Variants in NSD1 observed in about 807,000 individuals in gnomAD.
The protein encoded by NSD1 is nuclear receptor binding SET domain protein 1.
NSD1 carries 26 observed loss-of-function variants against 242.7 expected under a neutral mutation model. The observed-to-expected ratio is 0.11, with a 90% CI of 0.08 to 0.15. The LOEUF (loss-of-function observed/expected upper bound fraction) is 0.15. Among genes scored for constraint, NSD1 ranks in the 10% least tolerant of loss-of-function variants. The probability of loss-of-function intolerance (pLI) is 1.00; values close to 1 mark genes in which losing one functional copy is unlikely to be tolerated. For missense variants in NSD1, 2,495 were observed against 3,272.8 expected (o/e 0.76, Z 5.80); for synonymous variants, 1,106 against 1,178.1 (o/e 0.94, Z 1.25).
intron 2 of NSD1, among the ~76,000 whole-genome samples, chr5:177,174,369 T>C (rs990501309): frequency 1.3e-5 from 2 of 151,950 alleles, no homozygotes; most frequent in African/African-American, 4.8e-5. Flanking sequence ...CACGCCACCT[T>C]GCCAAGCTAA....
intron 15 of NSD1, 129 bp downstream of exon 15, chr5:177,267,847 A>AT (rs1757622593): frequency 7.6e-6 from 7 of 921,552 alleles, no homozygotes; most frequent in Middle Eastern, 4.3e-4. Context: ...CTTCTTCTTG[A>AT]TTTTTTTCCT....
chr5:177,183,754 T>G (rs1562168091), intron 2 of NSD1, among the ~76,000 whole-genome samples: 1 of 152,196 alleles, frequency 6.6e-6, no homozygotes, highest in Non-Finnish European at 1.5e-5. Context: ...TCTGTTCTTT[T>G]GTTTTCTTTA....
At chr5:177,159,003 T>TATATATATGAATG (rs1562132228) in intron 2 of NSD1, among the ~76,000 whole-genome samples, 11 of 80,152 alleles carry the variant, frequency 1.4e-4, no homozygotes, top group African/African-American at 7.5e-4. Context: ...TGATTTTATA[T>TATATATATGAATG]ATATATATAT....
At chr5:177,174,534 A>G (rs543248729) in intron 2 of NSD1, among the ~76,000 whole-genome samples, 3 of 150,038 alleles carry the variant, frequency 2.0e-5, no homozygotes, top group South Asian at 2.1e-4. Flanking sequence ...TATATAATCA[A>G]TGCACCATTG....
chr5:177,274,519 A>G (rs890722708), intron 17 of NSD1, among the ~76,000 whole-genome samples: 1 of 152,210 alleles, frequency 6.6e-6, no homozygotes, highest in Admixed American at 6.5e-5. Context: ...TCTTTTTATC[A>G]GATAAGTTAG....
Position 177,211,807 on chromosome 5 carries a change from G to A in NSD1, c.3408G>A (p.Glu1136=). ...CTTTTGAAAACGGAAAAGGCCCAGA[G>A]CTGGACTCTGTAATGAACAGTGAGA... ...GLSFENGKGP[E]LDSVMNSEND... The change falls in exon 5 of 23, where the codon GAG becomes GAA. Residue 1136 remains glutamate (E), a synonymous_variant. Coordinates refer to ENST00000439151, the MANE Select transcript of NSD1 (RefSeq NM_022455.5). 6.2e-7 allele frequency: 1 copy of A among 1,614,186 alleles called. No homozygotes were observed. Among genetic ancestry groups the A allele is most frequent in the Non-Finnish European group, 8.5e-7 (1 of 1,180,044 alleles).
At chr5:177,153,189 CTG>C (rs1241507216) in intron 2 of NSD1, among the ~76,000 whole-genome samples, 1 of 148,678 alleles carries the variant, frequency 6.7e-6, no homozygotes, top group Admixed American at 6.7e-5. Context: ...ATAGTAATGT[CTG>C]TGGAATTTCT....
intron 5 of NSD1, 70 bp from the exon 6 acceptor site, chr5:177,235,751 T>C (rs1765392616): frequency 1.4e-5 from 23 of 1,602,934 alleles, no homozygotes; most frequent in Non-Finnish European, 1.8e-5. Flanking sequence ...GAGTATCAGA[T>C]GGTCTCATAA....
At chr5:177,259,559 C>T (rs191756105) in intron 13 of NSD1, among the ~76,000 whole-genome samples, 3 of 152,218 alleles carry the variant, frequency 2.0e-5, no homozygotes, top group Admixed American at 1.3e-4. Flanking sequence ...GTGGTGGTTT[C>T]GTGATGGTTT....
rs184191742 is a variant in NSD1 at position 177,250,384 on chromosome 5, C to T, written c.4642-1346C>T. On this transcript the variant is annotated intron_variant, in intron 11 of 22. Transcript: ENST00000439151. ...TCTGGATCAGTCTTTGTGTAGGTCC[C>T]TTGTGCTGTCACAATTTATTAATAG... is the stretch of plus-strand genomic sequence containing the variant. 2.6e-3 allele frequency among the ~76,000 whole-genome samples: 396 copies of T among 152,318 alleles called. 2 individuals are homozygous for T. Among genetic ancestry groups the T allele is most frequent in the Middle Eastern group, 6.8e-3 (2 of 294 alleles).
Position 177,295,766 on chromosome 5 carries a change from T to C in NSD1, c.*307T>C, listed in dbSNP as rs1371763669. The C allele has an allele frequency of 2.0e-6, 1 of 504,370 alleles. No individual in the cohort carries two copies. The highest frequency in any genetic ancestry group is 3.6e-6 in the Non-Finnish European group (1 of 277,320). 31.2% of individuals were successfully genotyped at this position (504,370 alleles called of 1,614,324 possible). On this transcript the variant is annotated 3_prime_UTR_variant, in exon 23 of 23. Transcript: ENST00000439151. The surrounding 1 kb of genome is among the most constrained non-coding windows in gnomAD (Gnocchi z 4.3). ...AAAAAGTCCACTCTGGAGTCAAGTA[T>C]GGAATTCAATTCCGCTGGTCAGGTT... is the stretch of plus-strand genomic sequence containing the variant.
chr5:177,234,931 A>G (rs915912330), intron 5 of NSD1, among the ~76,000 whole-genome samples: 1 of 152,172 alleles, frequency 6.6e-6, no homozygotes, highest in African/African-American at 2.4e-5. Context: ...ACACAGCATC[A>G]TAGATGGAGA....
Position 177,299,765 on chromosome 5 carries a change from A to G in NSD1, c.*4306A>G, listed in dbSNP as rs1476935897. Reference sequence around the variant, plus strand: ...GGTGTAAGGTCCTGGAAGTTCAGCAAAGTTTCGTGGACAAGACATGGGCAC... The same window carrying G: ...GGTGTAAGGTCCTGGAAGTTCAGCAGAGTTTCGTGGACAAGACATGGGCAC... On this transcript the variant is annotated 3_prime_UTR_variant, in exon 23 of 23. Transcript: ENST00000439151. 2 of 233,216 alleles carry G rather than the reference A, an allele frequency of 8.6e-6. No individual in the cohort carries two copies. Among genetic ancestry groups the G allele is most frequent in the Non-Finnish European group, 1.7e-5 (2 of 118,086 alleles). The allele number at this position is 233,216 out of a possible 1,614,324, so 14.4% of individuals were successfully genotyped here.
chr5:177,249,993 T>C (rs1755798377), intron 11 of NSD1, among the ~76,000 whole-genome samples: 1 of 152,170 alleles, frequency 6.6e-6, no homozygotes, highest in Non-Finnish European at 1.5e-5. Context: ...GCTGAGGTCA[T>C]TGGATCACCT....
rs1000253837 is a variant in NSD1 at position 177,144,640 on chromosome 5, G to C, written c.927+8610G>C. Among the ~76,000 whole-genome samples, 7 of 151,904 alleles carry C rather than the reference G, an allele frequency of 4.6e-5. No homozygotes were observed. In the South Asian group the frequency reaches 8.3e-4, roughly 18 times the overall value. On this transcript the variant is annotated intron_variant, in intron 2 of 22. Transcript: ENST00000439151. The stretch of plus-strand genomic sequence containing the variant: ...AGAAATGTTTAATTTATTCTTCCTG[G>C]TTTTCAGGGGAGCCCATTGAAAGGA...
In NSD1 at chr5:177,210,949, T is replaced by G; in HGVS notation, c.2550T>G (p.Ser850Arg). The G allele has an allele frequency of 6.2e-7, 1 of 1,614,126 alleles. No individual in the cohort carries two copies. Among genetic ancestry groups the G allele is most frequent in the Non-Finnish European group, 8.5e-7 (1 of 1,180,028 alleles). ...TGCATGAGAAAACCAGGGATTCAAG[T>G]GACATAGAAACAGCAGTGGTGAAAC... is the stretch of plus-strand genomic sequence containing the variant. ...NNMHEKTRDS[S>R]DIETAVVKHV... Residue 850 changes from serine to arginine, a missense_variant, in exon 5 of 23, where the codon AGT (serine) becomes AGG (arginine). Around this residue, in one of 19 missense-constraint regions of NSD1, gnomAD observed 121 missense variants for 167.2 expected, o/e 0.72. Transcript: ENST00000439151.
chr5:177,135,322 G>A lies in NSD1; in HGVS notation c.219G>A (p.Arg73=). The change falls in exon 2 of 23, where the codon CGG becomes CGA. Residue 73 remains arginine (R), a synonymous_variant. Coordinates refer to ENST00000439151, the MANE Select transcript of NSD1 (RefSeq NM_022455.5). The part of the protein sequence containing the change: ...QDSPSCYIPL[R]RLQDLASMIN... ...CTCCATCTTGTTACATTCCACTGCG[G>A]AGACTACAGGATTTGGCCTCCATGA... 6.2e-7 allele frequency: 1 copy of A among 1,613,176 alleles called. No homozygotes were observed. The highest frequency in any genetic ancestry group is 8.5e-7 in the Non-Finnish European group (1 of 1,179,132).
Position 177,210,070 on chromosome 5 carries a change from C to A in NSD1, c.1671C>A (p.Ser557Arg), listed in dbSNP as rs1254837934. The A allele has an allele frequency of 6.2e-7, 1 of 1,613,708 alleles. No individual in the cohort carries two copies. The highest frequency in any genetic ancestry group is 1.3e-5 in the African/African-American group (1 of 74,870). ...ATGAACTTTCCAGGATAGCAAATAG[C>A]CTCACAGGGTCCAACACTGCCCCAG... ...ASNELSRIAN[S>R]LTGSNTAPGS... Residue 557 changes from serine to arginine, a missense_variant, in exon 5 of 23, where the codon AGC becomes AGA. By Grantham distance (110) the Ser-to-Arg change is moderately radical. Coordinates refer to ENST00000439151, the MANE Select transcript of NSD1 (RefSeq NM_022455.5).
At chr5:177,232,454 C>T (rs560798351) in intron 5 of NSD1, among the ~76,000 whole-genome samples, 1 of 152,210 alleles carries the variant, frequency 6.6e-6, no homozygotes, top group African/African-American at 2.4e-5. Context: ...TGGAAAATTC[C>T]ACAGTTGACA....
Sources: gnomAD v4.1 joint callset for allele counts (sites outside exome capture counted in the v4.1 genomes callset) on GRCh38, gnomAD v4.1.1 for gene constraint, gnomAD v4.1.1 regional missense constraint, Gnocchi (gnomAD v3.1) non-coding constraint, MANE v1.5 for transcripts, NCBI Gene and HGNC (gene_info 2026-07-23, HGNC 2026-07-21) for gene names.